SYMPK: variants seen among roughly 807,000 people sequenced by gnomAD.
The protein encoded by SYMPK is symplekin scaffold protein.
SYMPK carries 49 observed loss-of-function variants against 136.4 expected under a neutral mutation model. That is an observed-to-expected ratio of 0.36 (90% CI 0.29 to 0.46). SYMPK has a LOEUF of 0.46. Ranked by LOEUF, SYMPK falls within the 20% of genes least tolerant of loss-of-function variation. The pLI, the probability that SYMPK is intolerant of heterozygous loss-of-function variation, is 1.00. For missense variants in SYMPK, 1,365 were observed against 1,690.0 expected (o/e 0.81, Z 3.37); for synonymous variants, 766 against 713.0 (o/e 1.07, Z -1.19).
chr19:45,817,418 T>TCTC (rs1491177995), intron 23 of SYMPK, among the ~76,000 whole-genome samples: 1 of 2,694 alleles, frequency 3.7e-4, no homozygotes, highest in African/African-American at 3.4e-3. Context: ...TTTTGTTCTC[T>TCTC]TTTTTTTTTT....
At position 45,839,977 on chromosome 19, in the gene SYMPK, G is replaced by A. The variant is rs562908373; in HGVS notation, c.1088-1362C>T. ...ATGGCACTTGACACTAGAGAAAGCT[G>A]GTTGAAACTGTGTTAACCAAGCGTT... is the stretch of plus-strand genomic sequence containing the variant. On this transcript the variant is annotated intron_variant, in intron 9 of 26. Transcript: ENST00000245934. Among the ~76,000 whole-genome samples the A allele has an allele frequency of 2.0e-5, 3 of 152,258 alleles. No individual in the cohort carries two copies. In the East Asian group the frequency reaches 5.8e-4, roughly 29 times the overall value.
chr19:45,847,239 A>T (rs1415614937), intron 7 of SYMPK, among the ~76,000 whole-genome samples: 1 of 151,978 alleles, frequency 6.6e-6, no homozygotes, highest in Non-Finnish European at 1.5e-5. Context: ...CAATATGGTG[A>T]AACCCTGCTT....
chr19:45,817,142 C>G (rs1044571467), intron 23 of SYMPK, 168 bp from the exon 24 acceptor site: 5 of 648,818 alleles, frequency 7.7e-6, no homozygotes, highest in African/African-American at 3.9e-5. Flanking sequence ...TTTGTCTTCC[C>G]GATCCAGGCG....
intron 11 of SYMPK, among the ~76,000 whole-genome samples, chr19:45,833,946 T>C (rs960547956): frequency 3.9e-5 from 6 of 152,092 alleles, no homozygotes; most frequent in African/African-American, 7.2e-5. Context: ...GGTCAGGAGA[T>C]TGAGACCATC....
chr19:45,850,663 T>TA (rs1333359428), intron 5 of SYMPK, among the ~76,000 whole-genome samples: 3 of 152,150 alleles, frequency 2.0e-5, no homozygotes, highest in Non-Finnish European at 4.4e-5. Context: ...TGGTGACTGT[T>TA]ATGTTCAACT....
chr19:45,860,635 A>G (rs1971943813), intron 1 of SYMPK, among the ~76,000 whole-genome samples: 1 of 152,090 alleles, frequency 6.6e-6, no homozygotes, highest in African/African-American at 2.4e-5. Flanking sequence ...AATATACATG[A>G]GTTAGGTTTA....
rs557079244 is a variant in SYMPK at position 45,835,374 on chromosome 19, C to G, written c.1243-146G>C. 2.0e-5 allele frequency: 14 copies of G among 701,046 alleles called. No homozygotes were observed. In the African/African-American group the frequency reaches 2.3e-4, roughly 12 times the overall value. The allele number at this position is 701,046 out of a possible 1,614,324, so 43.4% of individuals were successfully genotyped here. A position where few individuals can be genotyped will look rare whatever the true frequency, so the allele number is the denominator to read the frequency against. ...GGGGCCCAGCCTCTTCTGGAAGTCACAGAGAAAACAAATAATTATATAGTG... is the reference window on the plus strand; with the variant it reads ...GGGGCCCAGCCTCTTCTGGAAGTCAGAGAGAAAACAAATAATTATATAGTG... On this transcript the variant is annotated intron_variant, in intron 10 of 26. Transcript: ENST00000245934.
chr19:45,831,709 C>T (rs1313745000), intron 11 of SYMPK, 121 bp from the exon 12 acceptor site: 21 of 704,844 alleles, frequency 3.0e-5, no homozygotes, highest in Non-Finnish European at 4.5e-5. Context: ...TTTAAATCCA[C>T]ACAACACTGT....
In SYMPK at chr19:45,830,034, G is replaced by T. The variant is rs756738533; in HGVS notation, c.1749+20C>A. The T allele has an allele frequency of 3.9e-6, 6 of 1,533,560 alleles. No homozygotes were observed. The highest frequency in any genetic ancestry group is 1.2e-5 in the South Asian group (1 of 83,508). 95.0% of individuals were successfully genotyped at this position (1,533,560 alleles called of 1,614,324 possible). The stretch of plus-strand genomic sequence containing the variant: ...GGTAGAGGGACTGGAAGGATGGGGT[G>T]GGGGGTGGCAGGCGCACACCTGGGC... On this transcript the variant is annotated intron_variant, in intron 13 of 26. Transcript: ENST00000245934.
rs1402250264 is a variant in SYMPK at position 45,847,801 on chromosome 19, A to C, written c.627T>G (p.His209Gln). The C allele has an allele frequency of 1.2e-6, 2 of 1,614,104 alleles. No individual in the cohort carries two copies. Among genetic ancestry groups the C allele is most frequent in the South Asian group, 1.1e-5 (1 of 91,076 alleles). Residue 209 changes from histidine (H) to glutamine (Q), a missense_variant, in exon 7 of 27, where the codon CAT becomes CAG. Transcript: ENST00000245934. Reference protein sequence around the residue: ...ADSEIPRRQEHDISLDRIPRD... With the variant: ...ADSEIPRRQEQDISLDRIPRD... ...GAGGGATGCGGTCCAGGCTGATATC[A>C]TGCTCCTGGCGTCGGGGTATCTCTG... is the stretch of plus-strand genomic sequence containing the variant.
At chr19:45,824,948 G>A (rs1971003165) in intron 18 of SYMPK, among the ~76,000 whole-genome samples, 1 of 152,184 alleles carries the variant, frequency 6.6e-6, no homozygotes, top group Non-Finnish European at 1.5e-5. Flanking sequence ...AAGTGAACGC[G>A]AACCCAGGTC....
Position 45,815,529 on chromosome 19 carries a change from C to G in SYMPK, c.*31G>C. On this transcript the variant is annotated 3_prime_UTR_variant, in exon 27 of 27. Coordinates refer to ENST00000245934, the MANE Select transcript of SYMPK (RefSeq NM_004819.3). ...CGCCCCGTCCCCCAGCCCCGAGTCC[C>G]TGTCCCACCCCCTTTCCCCCTCGAG... 1.4e-6 allele frequency: 2 copies of G among 1,462,254 alleles called. No individual in the cohort carries two copies. Among genetic ancestry groups the G allele is most frequent in the Non-Finnish European group, 1.8e-6 (2 of 1,100,060 alleles). The allele number at this position is 1,462,254 out of a possible 1,614,324, so 90.6% of individuals were successfully genotyped here. A position where few individuals can be genotyped will look rare whatever the true frequency, so the allele number is the denominator to read the frequency against.
chr19:45,843,010 C>T (rs890313379), intron 8 of SYMPK: 2 of 155,220 alleles, frequency 1.3e-5, no homozygotes, highest in African/African-American at 4.8e-5. Flanking sequence ...GGAGACCCCC[C>T]TTCTCCAGTC....
At chr19:45,820,737 T>G (rs555011178) in intron 22 of SYMPK, 3 of 168,956 alleles carry the variant, frequency 1.8e-5, no homozygotes, top group Non-Finnish European at 3.8e-5. Context: ...CAGATTCTGT[T>G]TCTTCTACCA....
At chr19:45,824,131 G>A (rs1040056064) in intron 18 of SYMPK, 1 of 491,362 alleles carries the variant, frequency 2.0e-6, no homozygotes, top group Non-Finnish European at 3.7e-6. Flanking sequence ...CCACTCCTCT[G>A]TGGCTCAGAC....
At chr19:45,824,760 G>A (rs1970998687) in intron 18 of SYMPK, among the ~76,000 whole-genome samples, 1 of 152,192 alleles carries the variant, frequency 6.6e-6, no homozygotes, top group Admixed American at 6.5e-5. Flanking sequence ...AAGGACTTAT[G>A]TTTATGTAAT....
chr19:45,841,874 G>A (rs543505616), intron 9 of SYMPK, among the ~76,000 whole-genome samples: 2 of 151,948 alleles, frequency 1.3e-5, no homozygotes, highest in South Asian at 2.1e-4. Flanking sequence ...GGATAAGAGG[G>A]ATACTATTTT....
At position 45,842,365 on chromosome 19, in the gene SYMPK, C is replaced by T. The variant is rs769914047; in HGVS notation, c.972G>A (p.Leu324=). ...CCTGAGGTGTGCCCAGGTCCACCAG[C>T]AGGGTGGTGATCTGGGCCTGGAACT... ...SLEFQAQITT[L]LVDLGTPQAE... Residue 324 remains leucine (L), a synonymous_variant, in exon 9 of 27, where the codon CTG becomes CTA. Transcript: ENST00000245934. The T allele has an allele frequency of 3.1e-6, 5 of 1,614,220 alleles. No individual in the cohort carries two copies. In the South Asian group the frequency reaches 4.4e-5, roughly 14 times the overall value.
At chr19:45,845,853 C>T (rs1389887086) in intron 7 of SYMPK, among the ~76,000 whole-genome samples, 3 of 152,206 alleles carry the variant, frequency 2.0e-5, no homozygotes, top group Non-Finnish European at 4.4e-5. Flanking sequence ...TCCACATCCT[C>T]GCCAGCATTT....
Sources: gnomAD v4.1 joint callset for allele counts (sites outside exome capture counted in the v4.1 genomes callset) on GRCh38, gnomAD v4.1.1 for gene constraint, MANE v1.5 for transcripts, NCBI Gene and HGNC (gene_info 2026-07-23, HGNC 2026-07-21) for gene names.